EZH1: variants seen among roughly 807,000 people sequenced by gnomAD.
EZH1 encodes the protein enhancer of zeste 1 polycomb repressive complex 2 subunit.
EZH1 carries 33 observed loss-of-function variants against 100.5 expected under a neutral mutation model. The observed-to-expected ratio is 0.33, with a 90% confidence interval of 0.25 to 0.44. The LOEUF is 0.44. EZH1 is among the 20% of genes least tolerant of loss of function. The pLI is 1.00. For synonymous variants in EZH1, 272 were observed against 313.8 expected, an observed-to-expected ratio of 0.87 and a Z score of 1.41; for missense variants, 475 against 928.4, an observed-to-expected ratio of 0.51 and a Z score of 6.35.
At position 42,718,524 on chromosome 17, in the gene EZH1, C is replaced by T. The variant is rs1440355256; in HGVS notation, c.861G>A (p.Arg287=). ...TGTGGAAGGAGTGCAGAGATTGCTC[C>T]CGCTGCACAGACTTGGCATTGGGGC... ...IDGPNAKSVQ[R]EQSLHSFHTL... Residue 287 remains arginine, a synonymous_variant, in exon 9 of 21, where the codon CGG becomes CGA. Coordinates refer to ENST00000428826, the MANE Select transcript of EZH1 (RefSeq NM_001991.5). The surrounding 1 kb of genome is among the most constrained non-coding windows in gnomAD (Gnocchi z 4.2). 1.2e-6 allele frequency: 2 copies of T among 1,614,156 alleles called. No individual in the cohort carries two copies. The highest frequency in any genetic ancestry group is 1.7e-6 in the Non-Finnish European group (2 of 1,180,032).
At chr17:42,733,365 C>T (rs1405473399) in intron 1 of EZH1, among the ~76,000 whole-genome samples, 2 of 148,986 alleles carry the variant, frequency 1.3e-5, no homozygotes, top group Non-Finnish European at 3.0e-5. Context: ...GGTCTGGGCG[C>T]GGTGGCTCAC....
chr17:42,742,871 C>CA (rs1555652437), intron 1 of EZH1, among the ~76,000 whole-genome samples: 1 of 149,534 alleles, frequency 6.7e-6, no homozygotes, highest in East Asian at 2.0e-4. Flanking sequence ...TTCTCTCTCC[C>CA]TTTTTTTTTT....
chr17:42,736,174 A>G (rs1348215375), intron 1 of EZH1, among the ~76,000 whole-genome samples: 1 of 152,242 alleles, frequency 6.6e-6, no homozygotes, highest in African/African-American at 2.4e-5. Flanking sequence ...CTTGTTGGTG[A>G]GGACGTGAAG....
intron 1 of EZH1, chr17:42,731,901 A>G (rs1002807482): frequency 6.6e-6 from 1 of 152,166 alleles, no homozygotes; most frequent in African/African-American, 2.4e-5. Context: ...ACTCTGCCTC[A>G]AAACAAAACA....
rs2053566440 is a variant in EZH1 at position 42,714,948 on chromosome 17, T to C, written c.1024-1559A>G. On this transcript the variant is annotated intron_variant, in intron 10 of 20. Transcript: ENST00000428826. ...TTTATATAAATATAAAATATATATT[T>C]ATATAATATATAAATATATGAAATT... Among the ~76,000 whole-genome samples, 5 of 138,508 alleles carry C rather than the reference T, an allele frequency of 3.6e-5. No individual in the cohort carries two copies. In the South Asian group the frequency reaches 1.1e-3, roughly 30 times the overall value. 90.9% of individuals were successfully genotyped at this position (138,508 alleles called of 152,430 possible).
intron 12 of EZH1, among the ~76,000 whole-genome samples, chr17:42,710,518 C>T (rs4793139): frequency 6.6e-6 from 1 of 151,974 alleles, no homozygotes; most frequent in South Asian, 2.1e-4. Flanking sequence ...CAAGAACATT[C>T]TTGCATACAA....
chr17:42,708,222 A>G (rs2053401105), intron 14 of EZH1, 139 bp from the exon 15 acceptor site: 4 of 1,011,322 alleles, frequency 4.0e-6, no homozygotes, highest in Admixed American at 2.9e-5. Flanking sequence ...CTGAAGTGAG[A>G]AGACAGGGAT....
At chr17:42,705,389 T>C (rs2053332171) in intron 16 of EZH1, among the ~76,000 whole-genome samples, 1 of 152,202 alleles carries the variant, frequency 6.6e-6, no homozygotes, top group Non-Finnish European at 1.5e-5. Context: ...ATAGGATATC[T>C]CTTCCTTTAT....
At chr17:42,708,157 G>A (rs759946454) in intron 14 of EZH1, 74 bp from the exon 15 acceptor site, 1 of 1,502,026 alleles carries the variant, frequency 6.7e-7, no homozygotes, top group Non-Finnish European at 8.9e-7. Flanking sequence ...GTGTCCAGCT[G>A]CCCTGATTCA....
Position 42,729,049 on chromosome 17 carries a change from C to A in EZH1, c.-11-97G>T, listed in dbSNP as rs2053884152. ...AAAAAAGATCAATTATGCTTTCATT[C>A]CCATTAAATTTACTCATAAAAACAC... On this transcript the variant is annotated intron_variant, in intron 2 of 20. Transcript: ENST00000428826. 4.7e-6 allele frequency: 6 copies of A among 1,272,232 alleles called. No homozygotes were observed. The South Asian group carries it at 6.0e-5, about 13-fold the overall frequency. 78.8% of individuals were successfully genotyped at this position (1,272,232 alleles called of 1,614,324 possible).
chr17:42,713,358 T>C lies in EZH1; in HGVS notation c.1055A>G (p.Asn352Ser). 2 of 1,609,636 alleles carry C rather than the reference T, an allele frequency of 1.2e-6. No individual in the cohort carries two copies. Among genetic ancestry groups the C allele is most frequent in the Non-Finnish European group, 1.7e-6 (2 of 1,176,368 alleles). The change falls in exon 11 of 21, where the codon AAC (asparagine) becomes AGC (serine). Residue 352 changes from asparagine to serine, a missense_variant. Transcript: ENST00000428826. ...EGAKEYAMLH[N>S]PRSKCSGRRR... Reference sequence around the variant, plus strand: ...ACGACCAGAGCACTTGGAGCGGGGGTTGTGGAGCATGGCATACTCCTTTGC... The same window carrying C: ...ACGACCAGAGCACTTGGAGCGGGGGCTGTGGAGCATGGCATACTCCTTTGC...
At chr17:42,727,602 A>G (rs772802704) in intron 4 of EZH1, 33 bp downstream of exon 4, 1 of 1,588,930 alleles carries the variant, frequency 6.3e-7, no homozygotes, top group Non-Finnish European at 8.6e-7. Context: ...CCCAAGGAAG[A>G]GAGGAAGACT....
intron 1 of EZH1, among the ~76,000 whole-genome samples, chr17:42,740,715 T>C (rs2054160902): frequency 6.6e-6 from 1 of 152,248 alleles, no homozygotes; most frequent in South Asian, 2.1e-4. Context: ...TGACTGGTTC[T>C]GTACTGTGTC....
At chr17:42,735,887 A>T (rs142434016) in intron 1 of EZH1, among the ~76,000 whole-genome samples, 300 of 152,314 alleles carry the variant, frequency 2.0e-3, no homozygotes, top group African/African-American at 6.9e-3. Flanking sequence ...CAGGAAGCTG[A>T]GGCAGGAGAA....
At chr17:42,708,973 C>T (rs2053419245) in intron 13 of EZH1, 57 bp from the exon 14 acceptor site, 2 of 1,602,342 alleles carry the variant, frequency 1.2e-6, no homozygotes, top group Non-Finnish European at 1.7e-6. Flanking sequence ...TCTGCAAATG[C>T]AGGTAAATGA....
intron 20 of EZH1, 72 bp downstream of exon 20, chr17:42,702,805 C>T: frequency 6.5e-7 from 1 of 1,537,446 alleles, no homozygotes; most frequent in Non-Finnish European, 9.0e-7. Flanking sequence ...TCCCTGAGCC[C>T]CCAAATCTAT....
At chr17:42,712,244 G>A (rs1316554888) in intron 12 of EZH1, 45 bp downstream of exon 12, 1 of 1,585,868 alleles carries the variant, frequency 6.3e-7, no homozygotes, top group Non-Finnish European at 8.6e-7. Context: ...ACAGAGCAAT[G>A]CGTGAAAGGA....
At chr17:42,724,464 A>G (rs1223014749) in intron 4 of EZH1, 40 bp from the exon 5 acceptor site, 14 of 1,604,820 alleles carry the variant, frequency 8.7e-6, no homozygotes, top group Non-Finnish European at 1.2e-5. Context: ...AAAGACGGGC[A>G]TATAACCCAA....
intron 4 of EZH1, 130 bp from the exon 5 acceptor site, chr17:42,724,554 A>T: frequency 9.6e-7 from 1 of 1,046,990 alleles, no homozygotes; most frequent in East Asian, 2.9e-5. Context: ...GGAGGCCAAG[A>T]CAGGCAGATC....
Sources: allele counts gnomAD v4.1 joint callset (sites outside exome capture counted in the v4.1 genomes callset), GRCh38; gene constraint gnomAD v4.1.1; non-coding constraint Gnocchi (gnomAD v3.1); transcripts MANE v1.5; gene names NCBI Gene and HGNC (gene_info 2026-07-23, HGNC 2026-07-21).